DMBT1: variants seen among roughly 807,000 people sequenced by gnomAD.
DMBT1 encodes deleted in malignant brain tumors 1.
A neutral mutation model predicts 252.9 loss-of-function variants in DMBT1; 198 were observed. That is an observed-to-expected ratio of 0.78 (90% CI 0.70 to 0.88). DMBT1 has a LOEUF of 0.88. Among genes scored for constraint, DMBT1 ranks in the 40% least tolerant of loss-of-function variants. DMBT1 has a pLI of 0.00. For synonymous variants in DMBT1, 990 were observed against 942.7 expected, an observed-to-expected ratio of 1.05 and a Z score of -0.92; for missense variants, 2,432 against 2,404.7, an observed-to-expected ratio of 1.01 and a Z score of -0.24.
At chr10:122,587,752 C>T (rs1465128172) in intron 16 of DMBT1, among the ~76,000 whole-genome samples, 1 of 148,664 alleles carries the variant, frequency 6.7e-6, no homozygotes, top group Non-Finnish European at 1.5e-5. Context: ...CTCCACTTGC[C>T]AGGAGACTTT....
Position 122,590,708 on chromosome 10 carries a change from G to T in DMBT1, c.2137+14G>T. On this transcript the variant is annotated intron_variant, in intron 18 of 55. Transcript: ENST00000338354. Reference sequence around the variant, plus strand: ...CGCCCAGGCCAGGTGAGTCCCCAGTGTCCTTCCTTGGGATGTCCCTTTTCT... The same window carrying T: ...CGCCCAGGCCAGGTGAGTCCCCAGTTTCCTTCCTTGGGATGTCCCTTTTCT... 6 of 1,586,488 alleles carry T rather than the reference G, an allele frequency of 3.8e-6. No homozygotes were observed. Among genetic ancestry groups the T allele is most frequent in the Non-Finnish European group, 5.2e-6 (6 of 1,164,236 alleles).
chr10:122,588,879 G>A lies in DMBT1; in HGVS notation c.1784-65G>A. Reference sequence around the variant, plus strand: ...GCCATTAGGAAGTGCCCTGAGTGTGGAATGTGCCTTAGATCCTTGACCTGC... The same window carrying A: ...GCCATTAGGAAGTGCCCTGAGTGTGAAATGTGCCTTAGATCCTTGACCTGC... On this transcript the variant is annotated intron_variant, in intron 16 of 55. Coordinates refer to ENST00000338354, the MANE Select transcript of DMBT1 (RefSeq NM_001377530.1). 1.9e-6 allele frequency: 3 copies of A among 1,580,662 alleles called. 1 individual carries two copies. The highest frequency in any genetic ancestry group is 1.2e-5 in the South Asian group (1 of 85,616).
At chr10:122,621,921 T>C (rs1211844069) in intron 44 of DMBT1, among the ~76,000 whole-genome samples, 1 of 152,124 alleles carries the variant, frequency 6.6e-6, no homozygotes, top group Non-Finnish European at 1.5e-5. Context: ...CTGCAGTGCA[T>C]TGTGTGTCTA....
rs892440449 is a variant in DMBT1, at chr10:122,600,948, C to T, written c.3311-43C>T. 8 of 703,090 alleles carry T rather than the reference C, an allele frequency of 1.1e-5. No homozygotes were observed. In the African/African-American group the frequency reaches 1.5e-4, roughly 13 times the overall value. 43.6% of individuals were successfully genotyped at this position (703,090 alleles called of 1,614,324 possible). ...AGAACCTTTTGTTCTGCACCTTTTCCCTTCAAGTCTAATTCTGTCTTTTCC... is the reference window on the plus strand; with the variant it reads ...AGAACCTTTTGTTCTGCACCTTTTCTCTTCAAGTCTAATTCTGTCTTTTCC... On this transcript the variant is annotated intron_variant, in intron 27 of 55. Coordinates refer to ENST00000338354, the MANE Select transcript of DMBT1 (RefSeq NM_001377530.1).
At chr10:122,563,586 C>CAAA (rs5788567) in intron 1 of DMBT1, among the ~76,000 whole-genome samples, 69 of 147,292 alleles carry the variant, frequency 4.7e-4, no homozygotes, top group South Asian at 1.1e-3. Flanking sequence ...GACTCTGTCT[C>CAAA]AAAAAAAAAA....
chr10:122,600,118 A>G lies in DMBT1; in HGVS notation c.3310+25A>G. On this transcript the variant is annotated intron_variant, in intron 27 of 55. Coordinates refer to ENST00000338354, the MANE Select transcript of DMBT1 (RefSeq NM_001377530.1). Reference sequence around the variant, plus strand: ...GGTGGGTCCCCAGTGTCCTTCCTCAAAATGTCCCTTCTCTTTCTGCCCAAT... The same window carrying G: ...GGTGGGTCCCCAGTGTCCTTCCTCAGAATGTCCCTTCTCTTTCTGCCCAAT... 6.3e-6 allele frequency: 10 copies of G among 1,587,682 alleles called. 2 individuals are homozygous for G. The highest frequency in any genetic ancestry group is 8.6e-6 in the Non-Finnish European group (10 of 1,165,946).
At chr10:122,577,009 G>A (rs1237868542) in intron 7 of DMBT1, among the ~76,000 whole-genome samples, 2 of 152,184 alleles carry the variant, frequency 1.3e-5, no homozygotes, top group African/African-American at 4.8e-5. Context: ...TTGGCCTGTG[G>A]GTACAATGCC....
rs1311257395 is a variant in DMBT1 at position 122,585,492 on chromosome 10, G to T, written c.1459+183G>T. Among the ~76,000 whole-genome samples, 4 of 147,916 alleles carry T rather than the reference G, an allele frequency of 2.7e-5. 1 individual carries two copies. In the South Asian group the frequency reaches 6.9e-4, roughly 26 times the overall value. On this transcript the variant is annotated intron_variant, in intron 15 of 55. Coordinates refer to ENST00000338354, the MANE Select transcript of DMBT1 (RefSeq NM_001377530.1). The stretch of plus-strand genomic sequence containing the variant: ...TGGGTCTGATGTTGGAGGCTGGAGG[G>T]TGCTGGTGACTTTTCTCCCGTGGAA...
chr10:122,575,365 C>A (rs1475269423), intron 6 of DMBT1, among the ~76,000 whole-genome samples: 1 of 152,190 alleles, frequency 6.6e-6, no homozygotes. Flanking sequence ...CCTTTAGAAT[C>A]AAAGAACTCA....
rs917161241 is a variant in DMBT1, at chr10:122,631,106, G to T, written c.6171G>T (p.Gly2057=). ...QEAEVVCRQL[G]CGRAVSALGN... is the part of the protein sequence containing the mutation. ...CTGAGGTGGTCTGCAGACAGCTAGG[G>T]TGTGGACGTGCAGTTTCAGCCCTTG... Residue 2057 remains glycine (G), a synonymous_variant, in exon 49 of 56, where the codon GGG becomes GGT. Coordinates refer to ENST00000338354, the MANE Select transcript of DMBT1 (RefSeq NM_001377530.1). 1.9e-6 allele frequency: 3 copies of T among 1,613,990 alleles called. No individual in the cohort carries two copies. The highest frequency in any genetic ancestry group is 1.7e-6 in the Non-Finnish European group (2 of 1,179,906).
intron 1 of DMBT1, 138 bp from the exon 2 acceptor site, chr10:122,565,829 C>T: frequency 1.3e-6 from 1 of 764,258 alleles, no homozygotes; most frequent in Non-Finnish European, 2.3e-6. Context: ...TTAGCAAGAA[C>T]GTCGGGGACA....
chr10:122,574,435 G>A (rs747193393), intron 6 of DMBT1, among the ~76,000 whole-genome samples: 1 of 152,180 alleles, frequency 6.6e-6, no homozygotes, highest in Non-Finnish European at 1.5e-5. Context: ...GCGCTGCCCA[G>A]GGTTGGCATG....
chr10:122,577,433 G>A lies in DMBT1; in HGVS notation c.608-378G>A, dbSNP rs138959067. Among the ~76,000 whole-genome samples, 504 of 152,306 alleles carry A rather than the reference G, an allele frequency of 3.3e-3. 1 individual carries two copies. Among genetic ancestry groups the A allele is most frequent in the Non-Finnish European group, 4.9e-3 (335 of 68,018 alleles). ...ATAGGGAGCAGGGGGACCTCCTAGA[G>A]TATCACCAGGAATCCACGTCAAACC... On this transcript the variant is annotated intron_variant, in intron 7 of 55. Transcript: ENST00000338354.
rs202194426 is a variant in DMBT1 at position 122,577,849 on chromosome 10, C to A, written c.637+9C>A. On this transcript the variant is annotated intron_variant, in intron 8 of 55. Coordinates refer to ENST00000338354, the MANE Select transcript of DMBT1 (RefSeq NM_001377530.1). The stretch of plus-strand genomic sequence containing the variant: ...GTCAACACTCAGGCCAGGTGAGTCC[C>A]CAGAATCCTTCCTCGGGATACCCCT... 8.7e-6 allele frequency: 14 copies of A among 1,613,600 alleles called. No homozygotes were observed. In the Admixed American group the frequency reaches 1.2e-4, roughly 13 times the overall value.
In DMBT1 at chr10:122,570,177, C is replaced by T. The variant is rs147204202; in HGVS notation, c.107C>T (p.Ser36Leu). ...CACCTCGCAGCTTCACTGATTCCCT[C>T]GGAGGTGCCCTTGGATCCAACTGTA... ...RTTDYASLIPSEVPLDPTVAE... is the reference protein window; with the variant it reads ...RTTDYASLIPLEVPLDPTVAE... Residue 36 changes from serine to leucine, a missense_variant, in exon 3 of 56, where the codon TCG (serine) becomes TTG (leucine). By Grantham distance (145) the Ser-to-Leu change is moderately radical. Transcript: ENST00000338354. 496 of 1,594,480 alleles carry T rather than the reference C, an allele frequency of 3.1e-4. 4 individuals are homozygous for T. The African/African-American group carries it at 4.7e-3, about 15-fold the overall frequency.
intron 52 of DMBT1, 92 bp downstream of exon 52, chr10:122,633,433 TG>T (rs1221018750): frequency 6.5e-7 from 1 of 1,544,326 alleles, no homozygotes; most frequent in African/African-American, 1.4e-5. Context: ...AAGAATGCCT[TG>T]GGGCCCCACA....
chr10:122,584,358 C>A lies in DMBT1; in HGVS notation c.1420+7C>A, dbSNP rs559027701. ...TGGTCGACGCCCAGTCCAGGTGAGT[C>A]CCCAGTGTCCTTCCTTGGGATGTCC... On this transcript the variant is annotated splice_region_variant and intron_variant, in intron 14 of 55. Transcript: ENST00000338354. 1.9e-6 allele frequency: 1 copy of A among 515,102 alleles called. No individual in the cohort carries two copies. The highest frequency in any genetic ancestry group is 3.3e-6 in the Non-Finnish European group (1 of 302,480). The allele number at this position is 515,102 out of a possible 1,614,324, so 31.9% of individuals were successfully genotyped here. A position where few individuals can be genotyped will look rare whatever the true frequency, so the allele number is the denominator to read the frequency against.
In DMBT1 at chr10:122,621,049, C is replaced by A. The variant is rs772608748; in HGVS notation, c.5285-8C>A. The A allele has an allele frequency of 6.2e-7, 1 of 1,612,804 alleles. No individual in the cohort carries two copies. Among genetic ancestry groups the A allele is most frequent in the Non-Finnish European group, 8.5e-7 (1 of 1,179,708 alleles). ...GTATGGATGAAGGGTTCTTGTGTTC[C>A]CCTGTAGGATCTGAATCCAGTTTGG... On this transcript the variant is annotated splice_polypyrimidine_tract_variant and splice_region_variant and intron_variant, in intron 43 of 55. Coordinates refer to ENST00000338354, the MANE Select transcript of DMBT1 (RefSeq NM_001377530.1).
At chr10:122,591,407 C>T (rs2097848093) in intron 18 of DMBT1, 72 bp from the exon 19 acceptor site, 2 of 1,465,086 alleles carry the variant, frequency 1.4e-6, no homozygotes, top group Non-Finnish European at 9.5e-7. Flanking sequence ...TTGCCTTGTC[C>T]AGAGACCTTT....
Sources: allele counts gnomAD v4.1 joint callset (sites outside exome capture counted in the v4.1 genomes callset), GRCh38; gene constraint gnomAD v4.1.1; transcripts MANE v1.5; gene names NCBI Gene and HGNC (gene_info 2026-07-23, HGNC 2026-07-21).